Variants in POU3F1 observed in about 807,000 individuals in gnomAD.
The protein encoded by POU3F1 is POU domain, class 3, transcription factor 1.
POU3F1 carries 1 observed loss-of-function variant against 7.6 expected under a neutral mutation model. That is an observed-to-expected ratio of 0.13 (90% CI 0.05 to 0.62). POU3F1 has a LOEUF of 0.62. Ranked by LOEUF, POU3F1 falls within the 20% of genes least tolerant of loss-of-function variation. The probability of loss-of-function intolerance (pLI) is 0.87; values close to 1 mark genes in which losing one functional copy is unlikely to be tolerated. For synonymous variants in POU3F1, 354 were observed against 339.0 expected, an observed-to-expected ratio of 1.04 and a Z score of -0.49; for missense variants, 505 against 679.3, an observed-to-expected ratio of 0.74 and a Z score of 2.85.
rs1204221117 is a variant in POU3F1, at chr1:38,045,772, G to A, written c.972C>T (p.Ser324=). 4.3e-6 allele frequency: 7 copies of A among 1,613,654 alleles called. No homozygotes were observed. Among genetic ancestry groups the A allele is most frequent in the Admixed American group, 1.7e-5 (1 of 59,996 alleles). Residue 324 remains serine (S), a synonymous_variant, in exon 1 of 1, where the codon AGC becomes AGT. Coordinates refer to ENST00000373012, the MANE Select transcript of POU3F1 (RefSeq NM_002699.4). This position sits in a 1 kb window ranked among gnomAD's most constrained non-coding sequence, Gnocchi z 9.4. ...TCTTGTCCAGGTTGGTGGGGCTGCC[G>A]CTGGACGAGTCGGTCTCCTCCAGCC... The part of the protein sequence containing the change: ...NKWLEETDSS[S]GSPTNLDKIA...
At position 38,044,263 on chromosome 1, in the gene POU3F1, G is replaced by A. The variant is rs1217046633; in HGVS notation, c.*1125C>T. Among the ~76,000 whole-genome samples the A allele has an allele frequency of 5.3e-5, 8 of 152,248 alleles. No homozygotes were observed. Among genetic ancestry groups the A allele is most frequent in the Admixed American group, 3.9e-4 (6 of 15,286 alleles). Reference sequence around the variant, plus strand: ...CCCAAACTTGGGGAATTTCTCTCCCGGCCTCCCCTGGCATCCCGCATCCCG... The same window carrying A: ...CCCAAACTTGGGGAATTTCTCTCCCAGCCTCCCCTGGCATCCCGCATCCCG... On this transcript the variant is annotated 3_prime_UTR_variant, in exon 1 of 1. Coordinates refer to ENST00000373012, the MANE Select transcript of POU3F1 (RefSeq NM_002699.4).
rs5773610 is a variant in POU3F1 at position 38,044,595 on chromosome 1, G to GTT, written c.*791_*792dup. 133 of 121,608 alleles carry GTT rather than the reference G, an allele frequency of 1.1e-3. 1 individual carries two copies. The highest frequency in any genetic ancestry group is 4.2e-3 in the Middle Eastern group (1 of 236). 7.5% of individuals were successfully genotyped at this position (121,608 alleles called of 1,614,324 possible). A position where few individuals can be genotyped will look rare whatever the true frequency, so the allele number is the denominator to read the frequency against. On this transcript the variant is annotated 3_prime_UTR_variant, in exon 1 of 1. Transcript: ENST00000373012. The stretch of plus-strand genomic sequence containing the variant: ...ATGAACACTCGAATTTTTTTTGTTA[G>GTT]TTTTTTTTTTTTTTTTTTGCTTTTT...
chr1:38,046,467 C>G lies in POU3F1; in HGVS notation c.277G>C (p.Gly93Arg), dbSNP rs1189406928. 5 of 1,364,376 alleles carry G rather than the reference C, an allele frequency of 3.7e-6. No individual in the cohort carries two copies. The highest frequency in any genetic ancestry group is 4.7e-6 in the Non-Finnish European group (5 of 1,057,152). 84.5% of individuals were successfully genotyped at this position (1,364,376 alleles called of 1,614,324 possible). ...DWAGGPHLEH[G>R]KAGGGGTGRA... Reference sequence around the variant, plus strand: ...CCGGTGCCGCCGCCGCCTGCCTTGCCGTGTTCTAGGTGCGGGCCGCCGGCC... The same window carrying G: ...CCGGTGCCGCCGCCGCCTGCCTTGCGGTGTTCTAGGTGCGGGCCGCCGGCC... Residue 93 changes from glycine to arginine, a missense_variant, in exon 1 of 1, where the codon GGC becomes CGC. Physicochemically the swap from Gly to Arg is moderately radical, Grantham distance 125 (BLOSUM62 -2). Transcript: ENST00000373012. The surrounding 1 kb of genome is among the most constrained non-coding windows in gnomAD (Gnocchi z 9.5).
In POU3F1 at chr1:38,045,646, C is replaced by T. The variant is rs539387395; in HGVS notation, c.1098G>A (p.Ala366=). ...SHFLKCPKPS[A]HEITGLADSL... The stretch of plus-strand genomic sequence containing the variant: ...TGTCTGCCAAGCCGGTGATCTCGTG[C>T]GCCGAGGGCTTGGGGCACTTGAGAA... The change falls in exon 1 of 1, where the codon GCG becomes GCA. Residue 366 remains alanine (A), a synonymous_variant. Coordinates refer to ENST00000373012, the MANE Select transcript of POU3F1 (RefSeq NM_002699.4). This position sits in a 1 kb window ranked among gnomAD's most constrained non-coding sequence, Gnocchi z 9.4. The T allele has an allele frequency of 1.2e-6, 2 of 1,613,498 alleles. No individual in the cohort carries two copies. Among genetic ancestry groups the T allele is most frequent in the African/African-American group, 1.3e-5 (1 of 75,038 alleles).
Position 38,046,623 on chromosome 1 carries a change from G to A in POU3F1, c.121C>T (p.His41Tyr), listed in dbSNP as rs1349037091. 7.4e-7 allele frequency: 1 copy of A among 1,352,864 alleles called. No homozygotes were observed. Among genetic ancestry groups the A allele is most frequent in the Non-Finnish European group, 9.6e-7 (1 of 1,046,754 alleles). The allele number at this position is 1,352,864 out of a possible 1,614,324, so 83.8% of individuals were successfully genotyped here. ...ACTTCGCGGTACGCGGCCCCTGCATGCAATCGCTCCGCGGCCGCCGCCGCC... is the reference window on the plus strand; with the variant it reads ...ACTTCGCGGTACGCGGCCCCTGCATACAATCGCTCCGCGGCCGCCGCCGCC... ...AAAAAAAERL[H>Y]AGAAYREVQK... is the part of the protein sequence containing the mutation. The change falls in exon 1 of 1, where the codon CAT becomes TAT. Residue 41 changes from histidine to tyrosine, a missense_variant. Physicochemically the swap from His to Tyr is moderately conservative, Grantham distance 83 (BLOSUM62 2). This residue lies in a region of POU3F1 where 361 missense variants were observed against 382.1 expected (regional missense o/e 0.94). Transcript: ENST00000373012. This position sits in a 1 kb window ranked among gnomAD's most constrained non-coding sequence, Gnocchi z 9.5.
Position 38,046,462 on chromosome 1 carries a change from C to A in POU3F1, c.282G>T (p.Lys94Asn). The A allele has an allele frequency of 7.4e-7, 1 of 1,355,724 alleles. No individual in the cohort carries two copies. Among genetic ancestry groups the A allele is most frequent in the Non-Finnish European group, 9.5e-7 (1 of 1,052,626 alleles). The allele number at this position is 1,355,724 out of a possible 1,614,324, so 84.0% of individuals were successfully genotyped here. A position where few individuals can be genotyped will look rare whatever the true frequency, so the allele number is the denominator to read the frequency against. ...WAGGPHLEHG[K>N]AGGGGTGRAD... The stretch of plus-strand genomic sequence containing the variant: ...CTCGGCCGGTGCCGCCGCCGCCTGC[C>A]TTGCCGTGTTCTAGGTGCGGGCCGC... Residue 94 changes from lysine to asparagine, a missense_variant, in exon 1 of 1, where the codon AAG becomes AAT. This residue lies in a region of POU3F1 where 361 missense variants were observed against 382.1 expected (regional missense o/e 0.94). Transcript: ENST00000373012. The surrounding 1 kb of genome is among the most constrained non-coding windows in gnomAD (Gnocchi z 9.5).
chr1:38,046,545 C>A lies in POU3F1; in HGVS notation c.199G>T (p.Gly67Cys). The change falls in exon 1 of 1, where the codon GGC becomes TGC. Residue 67 changes from glycine (G) to cysteine (C), a missense_variant. Gly to Cys is a radical substitution (Grantham distance 159). Coordinates refer to ENST00000373012, the MANE Select transcript of POU3F1 (RefSeq NM_002699.4). The surrounding 1 kb of genome is among the most constrained non-coding windows in gnomAD (Gnocchi z 9.5). ...GGTAGCCACTGGGGGTGCGCTAGGC[C>A]CACGGGGTGGCCCGCGCCCGCGCCC... ...WLGAGAGHPV[G>C]LAHPQWLPTG... The A allele has an allele frequency of 1.5e-6, 2 of 1,373,024 alleles. No homozygotes were observed. The highest frequency in any genetic ancestry group is 3.1e-5 in the Admixed American group (1 of 32,148). 85.1% of individuals were successfully genotyped at this position (1,373,024 alleles called of 1,614,324 possible). A position where few individuals can be genotyped will look rare whatever the true frequency, so the allele number is the denominator to read the frequency against.
In POU3F1 at chr1:38,046,227, C is replaced by T. The variant is rs1014854933; in HGVS notation, c.517G>A (p.Ala173Thr). 91 of 1,064,568 alleles carry T rather than the reference C, an allele frequency of 8.5e-5. No individual in the cohort carries two copies. Among genetic ancestry groups the T allele is most frequent in the Non-Finnish European group, 9.8e-5 (87 of 886,298 alleles). The allele number at this position is 1,064,568 out of a possible 1,614,324, so 65.9% of individuals were successfully genotyped here. A position where few individuals can be genotyped will look rare whatever the true frequency, so the allele number is the denominator to read the frequency against. The change falls in exon 1 of 1, where the codon GCC becomes ACC. Residue 173 changes from alanine (A) to threonine (T), a missense_variant. Physicochemically the swap from Ala to Thr is moderately conservative, Grantham distance 58. Transcript: ENST00000373012. This position sits in a 1 kb window ranked among gnomAD's most constrained non-coding sequence, Gnocchi z 9.5. ...AYPGGGGGGL[A>T]GMLAAGGGGA... is the part of the protein sequence containing the mutation. ...CCACCGCCCGCCGCCAGCATCCCGG[C>T]CAGGCCGCCGCCGCCGCCCCCCGGG...
In POU3F1 at chr1:38,046,012, G is replaced by T; in HGVS notation, c.732C>A (p.His244Gln). ...CCGAGCTGGGCGCATCCTCGTCCGA[G>T]TGCTCGCCCACCGATGAGCCGCCGC... ...AGGGGSSVGE[H>Q]SDEDAPSSDD... Residue 244 changes from histidine (H) to glutamine (Q), a missense_variant, in exon 1 of 1, where the codon CAC becomes CAA. This residue lies in a region of POU3F1 where 361 missense variants were observed against 382.1 expected (regional missense o/e 0.94). Coordinates refer to ENST00000373012, the MANE Select transcript of POU3F1 (RefSeq NM_002699.4). This position sits in a 1 kb window ranked among gnomAD's most constrained non-coding sequence, Gnocchi z 9.5. 1 of 1,604,332 alleles carries T rather than the reference G, an allele frequency of 6.2e-7. No individual in the cohort carries two copies. Among genetic ancestry groups the T allele is most frequent in the South Asian group, 1.1e-5 (1 of 90,196 alleles).
rs2148747074 is a variant in POU3F1, at chr1:38,046,788, G to T, written c.-45C>A. 1 of 984,330 alleles carries T rather than the reference G, an allele frequency of 1.0e-6. No individual in the cohort carries two copies. Among genetic ancestry groups the T allele is most frequent in the Non-Finnish European group, 1.2e-6 (1 of 830,590 alleles). 61.0% of individuals were successfully genotyped at this position (984,330 alleles called of 1,614,324 possible). On this transcript the variant is annotated 5_prime_UTR_variant, in exon 1 of 1. Transcript: ENST00000373012. The surrounding 1 kb of genome is among the most constrained non-coding windows in gnomAD (Gnocchi z 9.5). ...CGCGCCGCCGCCGCCGCTCCGCTCC[G>T]TCTGCGGGCCCCGCCGCCTCGCTCC...
At position 38,046,182 on chromosome 1, in the gene POU3F1, G is replaced by A; in HGVS notation, c.562C>T (p.His188Tyr). The A allele has an allele frequency of 8.2e-7, 1 of 1,213,046 alleles. No individual in the cohort carries two copies. The highest frequency in any genetic ancestry group is 1.0e-6 in the Non-Finnish European group (1 of 976,764). The allele number at this position is 1,213,046 out of a possible 1,614,324, so 75.1% of individuals were successfully genotyped here. ...TGGCCATCCTCGTGCAGCGCGTGGTGCAGGCCCGGCCCCGCGCCGCCACCG... is the reference window on the plus strand; with the variant it reads ...TGGCCATCCTCGTGCAGCGCGTGGTACAGGCCCGGCCCCGCGCCGCCACCG... ...AGGGGAGPGL[H>Y]HALHEDGHEA... The change falls in exon 1 of 1, where the codon CAC becomes TAC. Residue 188 changes from histidine (H) to tyrosine (Y), a missense_variant. By Grantham distance (83) the His-to-Tyr change is moderately conservative. Coordinates refer to ENST00000373012, the MANE Select transcript of POU3F1 (RefSeq NM_002699.4). The surrounding 1 kb of genome is among the most constrained non-coding windows in gnomAD (Gnocchi z 9.5).
chr1:38,044,376 A>G lies in POU3F1; in HGVS notation c.*1012T>C, dbSNP rs1172098139. Among the ~76,000 whole-genome samples the G allele has an allele frequency of 1.3e-5, 2 of 152,236 alleles. No homozygotes were observed. The highest frequency in any genetic ancestry group is 4.8e-5 in the African/African-American group (2 of 41,460). ...GCTTATTTCTACAGCTGGTTAAAAA[A>G]CAATCTCTCTAACTTTTCCAAGTTT... On this transcript the variant is annotated 3_prime_UTR_variant, in exon 1 of 1. Coordinates refer to ENST00000373012, the MANE Select transcript of POU3F1 (RefSeq NM_002699.4).
chr1:38,046,105 G>A lies in POU3F1; in HGVS notation c.639C>T (p.His213=). The A allele has an allele frequency of 7.0e-7, 1 of 1,429,562 alleles. No individual in the cohort carries two copies. The highest frequency in any genetic ancestry group is 2.5e-4 in the Middle Eastern group (1 of 3,990). The allele number at this position is 1,429,562 out of a possible 1,614,324, so 88.6% of individuals were successfully genotyped here. Residue 213 remains histidine (H), a synonymous_variant, in exon 1 of 1, where the codon CAC becomes CAT. Transcript: ENST00000373012. The surrounding 1 kb of genome is among the most constrained non-coding windows in gnomAD (Gnocchi z 9.5). Reference sequence around the variant, plus strand: ...CGCCCGCGTGTGCATGTCCGTGTGCGTGTCCGTGGGCGCCCAGATGCGGCG... The same window carrying A: ...CGCCCGCGTGTGCATGTCCGTGTGCATGTCCGTGGGCGCCCAGATGCGGCG... The part of the protein sequence containing the change: ...SPPPHLGAHG[H]AHGHAHAGGL...
rs1646844122 is a variant in POU3F1, at chr1:38,043,993, C to T, written c.*1395G>A. 6.6e-6 allele frequency among the ~76,000 whole-genome samples: 1 copy of T among 151,718 alleles called. No individual in the cohort carries two copies. The highest frequency in any genetic ancestry group is 2.1e-4 in the South Asian group (1 of 4,792). ...AAAATAACAAAATTTAAATTCAAAC[C>T]TTAACAAACAGAAGAAGAAACGGAG... is the stretch of plus-strand genomic sequence containing the variant. On this transcript the variant is annotated 3_prime_UTR_variant, in exon 1 of 1. Coordinates refer to ENST00000373012, the MANE Select transcript of POU3F1 (RefSeq NM_002699.4). This position sits in a 1 kb window ranked among gnomAD's most constrained non-coding sequence, Gnocchi z 4.5.
Position 38,045,728 on chromosome 1 carries a change from T to C in POU3F1, c.1016A>G (p.Lys339Arg). The C allele has an allele frequency of 6.2e-7, 1 of 1,613,554 alleles. No homozygotes were observed. The highest frequency in any genetic ancestry group is 8.5e-7 in the Non-Finnish European group (1 of 1,179,818). Residue 339 changes from lysine to arginine, a missense_variant, in exon 1 of 1, where the codon AAG becomes AGG. Lys to Arg is a conservative substitution (Grantham distance 26). This residue lies in a region of POU3F1 where 24 missense variants were observed against 80.6 expected (regional missense o/e 0.30). Coordinates refer to ENST00000373012, the MANE Select transcript of POU3F1 (RefSeq NM_002699.4). The surrounding 1 kb of genome is among the most constrained non-coding windows in gnomAD (Gnocchi z 9.4). ...NLDKIAAQGR[K>R]RKKRTSIEVG... ...CTCGATGGACGTGCGCTTCTTGCGCTTGCGGCCCTGCGCCGCGATCTTGTC... is the reference window on the plus strand; with the variant it reads ...CTCGATGGACGTGCGCTTCTTGCGCCTGCGGCCCTGCGCCGCGATCTTGTC...
rs1646846110 is a variant in POU3F1, at chr1:38,044,417, G to A, written c.*971C>T. The stretch of plus-strand genomic sequence containing the variant: ...TTCCAAGTTTCGTTTGGTGTGGCCA[G>A]GAGGGCAGGGCCCCGCGGGGAGCAG... On this transcript the variant is annotated 3_prime_UTR_variant, in exon 1 of 1. Transcript: ENST00000373012. Among the ~76,000 whole-genome samples the A allele has an allele frequency of 6.6e-6, 1 of 152,270 alleles. No individual in the cohort carries two copies. The highest frequency in any genetic ancestry group is 2.1e-4 in the South Asian group (1 of 4,838).
In POU3F1 at chr1:38,046,170, G is replaced by A; in HGVS notation, c.574C>T (p.His192Tyr). The change falls in exon 1 of 1, where the codon CAC becomes TAC. Residue 192 changes from histidine to tyrosine, a missense_variant. Transcript: ENST00000373012. This position sits in a 1 kb window ranked among gnomAD's most constrained non-coding sequence, Gnocchi z 9.5. The stretch of plus-strand genomic sequence containing the variant: ...AGCTGCGCCTCGTGGCCATCCTCGT[G>A]CAGCGCGTGGTGCAGGCCCGGCCCC... ...GAGPGLHHALHEDGHEAQLEP... is the reference protein window; with the variant it reads ...GAGPGLHHALYEDGHEAQLEP... 2 of 1,357,452 alleles carry A rather than the reference G, an allele frequency of 1.5e-6. No homozygotes were observed. Among genetic ancestry groups the A allele is most frequent in the Non-Finnish European group, 1.9e-6 (2 of 1,055,762 alleles). The allele number at this position is 1,357,452 out of a possible 1,614,324, so 84.1% of individuals were successfully genotyped here.
At position 38,045,536 on chromosome 1, in the gene POU3F1, G is replaced by A. The variant is rs753985159; in HGVS notation, c.1208C>T (p.Ala403Val). 5.6e-6 allele frequency: 9 copies of A among 1,597,218 alleles called. No homozygotes were observed. The highest frequency in any genetic ancestry group is 7.7e-6 in the Non-Finnish European group (9 of 1,172,174). The change falls in exon 1 of 1, where the codon GCG becomes GTG. Residue 403 changes from alanine to valine, a missense_variant. By Grantham distance (64) the Ala-to-Val change is moderately conservative (BLOSUM62 0). Coordinates refer to ENST00000373012, the MANE Select transcript of POU3F1 (RefSeq NM_002699.4). The surrounding 1 kb of genome is among the most constrained non-coding windows in gnomAD (Gnocchi z 9.4). ...KEKRMTPAAG[A>V]GHPPMDDVYA... ...TACATCGTCCATGGGCGGGTGGCCC[G>A]CGCCGGCCGCAGGGGTCATGCGCTT... is the stretch of plus-strand genomic sequence containing the variant.
In POU3F1 at chr1:38,046,412, C is replaced by T; in HGVS notation, c.332G>A (p.Gly111Asp). Residue 111 changes from glycine to aspartate, a missense_variant, in exon 1 of 1, where the codon GGT becomes GAT. Gly to Asp is a moderately conservative substitution (Grantham distance 94). Transcript: ENST00000373012. This position sits in a 1 kb window ranked among gnomAD's most constrained non-coding sequence, Gnocchi z 9.5. ...CTGGTGCACCAGGCGCGCGTGGAAA[C>T]CTCCGCCGCCGCCGCCGTCGTCGGC... ...GRADDGGGGGGFHARLVHQGA... is the reference protein window; with the variant it reads ...GRADDGGGGGDFHARLVHQGA... 1.6e-6 allele frequency: 2 copies of T among 1,278,442 alleles called. No individual in the cohort carries two copies. Among genetic ancestry groups the T allele is most frequent in the Non-Finnish European group, 2.0e-6 (2 of 1,014,690 alleles). The allele number at this position is 1,278,442 out of a possible 1,614,324, so 79.2% of individuals were successfully genotyped here.
Sources: allele counts gnomAD v4.1 joint callset (sites outside exome capture counted in the v4.1 genomes callset), GRCh38; gene constraint gnomAD v4.1.1; regional missense constraint gnomAD v4.1.1; non-coding constraint Gnocchi (gnomAD v3.1); transcripts MANE v1.5; gene names NCBI Gene and HGNC (gene_info 2026-07-23, HGNC 2026-07-21).